CAPG: variants seen among roughly 807,000 people sequenced by gnomAD.
The protein encoded by CAPG is macrophage-capping protein.
CAPG carries 32 observed loss-of-function variants against 44.6 expected under a neutral mutation model. The observed-to-expected ratio is 0.72, with a 90% confidence interval of 0.54 to 0.96. The LOEUF is 0.96. Among genes scored for constraint, CAPG ranks in the 50% least tolerant of loss-of-function variants. The pLI is 0.00. For synonymous variants in CAPG, 175 were observed against 179.6 expected (o/e 0.97, Z 0.20); for missense variants, 412 against 438.3 (o/e 0.94, Z 0.54).
intron 8 of CAPG, 119 bp downstream of exon 8, chr2:85,397,901 T>C: frequency 7.8e-6 from 8 of 1,022,610 alleles, no homozygotes; most frequent in Non-Finnish European, 1.2e-5. Flanking sequence ...GCCAGAAGCA[T>C]GCAGGCTTCC....
rs535298662 is a variant in CAPG at position 85,402,167 on chromosome 2, AAAG to A, written c.-13-12_-13-10del. ...ACATGCTGTCTTCAGATCTGGAAAG[AAAG>A]AAGAAGCCATTATTATTACAAATGC... On this transcript the variant is annotated splice_polypyrimidine_tract_variant and intron_variant, in intron 1 of 9. Transcript: ENST00000263867. 561 of 1,590,530 alleles carry A rather than the reference AAAG, an allele frequency of 3.5e-4. 2 individuals carry two copies. The African/African-American group carries it at 6.1e-3, about 17-fold the overall frequency.
At chr2:85,413,474 G>C (rs1450705136), upstream of CAPG, among the ~76,000 whole-genome samples, 1 of 152,206 alleles carries the variant, frequency 6.6e-6, no homozygotes, top group Non-Finnish European at 1.5e-5. Flanking sequence ...CAGCTACTCG[G>C]GAGGCTAAGG....
At chr2:85,400,840 C>T (rs1686849334) in intron 5 of CAPG, among the ~76,000 whole-genome samples, 1 of 152,160 alleles carries the variant, frequency 6.6e-6, no homozygotes, top group Non-Finnish European at 1.5e-5. Flanking sequence ...TTTATGGTCC[C>T]TGTGCTGGCT....
intron 4 of CAPG, 59 bp downstream of exon 4, chr2:85,401,470 A>G: frequency 6.3e-7 from 1 of 1,598,608 alleles, no homozygotes; most frequent in Non-Finnish European, 8.6e-7. Context: ...AACCAGCCAG[A>G]AGCAGGGCTG....
chr2:85,412,438 G>C (rs1395766835), upstream of CAPG, among the ~76,000 whole-genome samples: 2 of 150,956 alleles, frequency 1.3e-5, no homozygotes, highest in East Asian at 4.0e-4. Flanking sequence ...GCTTGAACCC[G>C]GGAGGCAGAG....
Position 85,395,938 on chromosome 2 carries a change from A to T in CAPG, c.893-312T>A, listed in dbSNP as rs1035407372. 23 of 319,146 alleles carry T rather than the reference A, an allele frequency of 7.2e-5. No homozygotes were observed. The highest frequency in any genetic ancestry group is 4.6e-4 in the African/African-American group (22 of 47,524). The allele number at this position is 319,146 out of a possible 1,614,324, so 19.8% of individuals were successfully genotyped here. On this transcript the variant is annotated intron_variant, in intron 8 of 9. Coordinates refer to ENST00000263867, the MANE Select transcript of CAPG (RefSeq NM_001747.4). This position sits in a 1 kb window ranked among gnomAD's most constrained non-coding sequence, Gnocchi z 4.3. ...GAACAGGTGTTCACCCTAGCATCAG[A>T]CTGTGAGGCCGCAGGTCTCCTTTTC...
At position 85,395,563 on chromosome 2, in the gene CAPG, C is replaced by T. The variant is rs1031791135; in HGVS notation, c.956G>A (p.Arg319His). Reference protein sequence around the residue: ...ALQVAEGFISRMQYAPNTQVE... With the variant: ...ALQVAEGFISHMQYAPNTQVE... ...CTGAGTGTTCGGGGCGTACTGCATG[C>T]GCGAGATGAAGCCCTCGGCCACCTG... Residue 319 changes from arginine (R) to histidine (H), a missense_variant, in exon 9 of 10, where the codon CGC becomes CAC. Arg to His is a conservative substitution (Grantham distance 29). Coordinates refer to ENST00000263867, the MANE Select transcript of CAPG (RefSeq NM_001747.4). The surrounding 1 kb of genome is among the most constrained non-coding windows in gnomAD (Gnocchi z 4.3). 5.0e-6 allele frequency: 8 copies of T among 1,613,692 alleles called. No homozygotes were observed. In the African/African-American group the frequency reaches 6.7e-5, roughly 13 times the overall value.
upstream of CAPG, among the ~76,000 whole-genome samples, chr2:85,411,593 C>A (rs1687412481): frequency 6.6e-6 from 1 of 152,246 alleles, no homozygotes; most frequent in Non-Finnish European, 1.5e-5. Flanking sequence ...TGCCCAGAAC[C>A]TAGCCGGCCT....
chr2:85,403,886 C>CAAAAAAAAAA (rs36054381), intron 1 of CAPG, among the ~76,000 whole-genome samples: 5 of 69,788 alleles, frequency 7.2e-5, no homozygotes, highest in Non-Finnish European at 1.3e-4. Flanking sequence ...GACTCCATCT[C>CAAAAAAAAAA]AAAAAAAAAA....
At chr2:85,415,125 C>T (rs375413033), upstream of CAPG, among the ~76,000 whole-genome samples, 4 of 152,202 alleles carry the variant, frequency 2.6e-5, no homozygotes, top group South Asian at 6.2e-4. Flanking sequence ...AACCACCTCC[C>T]GCTGCCTACT....
intron 5 of CAPG, among the ~76,000 whole-genome samples, chr2:85,400,460 C>T (rs1686827660): frequency 6.6e-6 from 1 of 152,176 alleles, no homozygotes; most frequent in African/African-American, 2.4e-5. Context: ...CCATACTCCT[C>T]AGCCAGCCAA....
intron 4 of CAPG, 72 bp downstream of exon 4, chr2:85,401,457 G>T (rs1425183941): frequency 2.5e-6 from 4 of 1,592,914 alleles, no homozygotes; most frequent in African/African-American, 1.3e-5. Flanking sequence ...TCTGCAGGGT[G>T]AGAACCAGCC....
At chr2:85,400,635 G>A (rs1686834922) in intron 5 of CAPG, among the ~76,000 whole-genome samples, 1 of 152,084 alleles carries the variant, frequency 6.6e-6, no homozygotes, top group Non-Finnish European at 1.5e-5. Flanking sequence ...TGCCTGGAGT[G>A]GCATCTCCCC....
chr2:85,407,825 T>C (rs1687234507), intron 1 of CAPG, among the ~76,000 whole-genome samples: 1 of 151,994 alleles, frequency 6.6e-6, no homozygotes, highest in South Asian at 2.1e-4. Context: ...AGCCTGGATG[T>C]CAGTGTTTGA....
downstream of CAPG, among the ~76,000 whole-genome samples, chr2:85,392,785 G>A (rs1354995981): frequency 6.6e-6 from 1 of 152,172 alleles, no homozygotes; most frequent in Non-Finnish European, 1.5e-5. Flanking sequence ...GCATGGCATG[G>A]CAGGAGTTGA....
chr2:85,395,451 T>G lies in CAPG; in HGVS notation c.981+87A>C, dbSNP rs777470540. On this transcript the variant is annotated intron_variant, in intron 9 of 9. Coordinates refer to ENST00000263867, the MANE Select transcript of CAPG (RefSeq NM_001747.4). This position sits in a 1 kb window ranked among gnomAD's most constrained non-coding sequence, Gnocchi z 4.3. Reference sequence around the variant, plus strand: ...GGTTGTTCCTGACAGTGCCCAAGGCTCTCCTGCCCTTCCTGGCCAATTTGA... The same window carrying G: ...GGTTGTTCCTGACAGTGCCCAAGGCGCTCCTGCCCTTCCTGGCCAATTTGA... The G allele has an allele frequency of 2.1e-4, 226 of 1,051,366 alleles. 1 individual carries two copies. The highest frequency in any genetic ancestry group is 2.9e-4 in the Non-Finnish European group (200 of 692,550). 65.1% of individuals were successfully genotyped at this position (1,051,366 alleles called of 1,614,324 possible).
chr2:85,406,997 C>G (rs1052151326), intron 1 of CAPG, among the ~76,000 whole-genome samples: 1 of 150,498 alleles, frequency 6.6e-6, no homozygotes, highest in Non-Finnish European at 1.5e-5. Context: ...GTGGCACAGT[C>G]TCAGCTCATT....
downstream of CAPG, among the ~76,000 whole-genome samples, chr2:85,392,408 G>A (rs866424978): frequency 1.7e-4 from 23 of 131,734 alleles, 1 homozygote; most frequent in East Asian, 5.7e-3. Context: ...AAAAAAAAAA[G>A]AGCCTCCAGG....
upstream of CAPG, chr2:85,413,282 T>C (rs1268352589): frequency 6.6e-6 from 1 of 152,206 alleles, no homozygotes. Context: ...GTTTACACAT[T>C]AACAGCGAAA....
Sources: allele counts gnomAD v4.1 joint callset (sites outside exome capture counted in the v4.1 genomes callset), GRCh38; gene constraint gnomAD v4.1.1; non-coding constraint Gnocchi (gnomAD v3.1); transcripts MANE v1.5; gene names NCBI Gene and HGNC (gene_info 2026-07-23, HGNC 2026-07-21).